PTPRD: variants seen among roughly 807,000 people sequenced by gnomAD.
PTPRD encodes the protein receptor-type tyrosine-protein phosphatase delta.
PTPRD carries 34 observed loss-of-function variants against 214.5 expected under a neutral mutation model. That is an observed-to-expected ratio of 0.16 (90% CI 0.12 to 0.21). The LOEUF is 0.21. PTPRD is among the 10% of genes least tolerant of loss of function. PTPRD has a pLI of 1.00. For synonymous variants in PTPRD, 1,128 were observed against 845.7 expected, an observed-to-expected ratio of 1.33 and a Z score of -5.79; for missense variants, 2,545 against 2,398.7, an observed-to-expected ratio of 1.06 and a Z score of -1.27.
At chr9:8,483,664 A>G (rs151000983) in intron 30 of PTPRD, among the ~76,000 whole-genome samples, 1 of 152,306 alleles carries the variant, frequency 6.6e-6, no homozygotes, top group Admixed American at 6.5e-5. Flanking sequence ...AGGCAATCCC[A>G]GCTACTTGTG....
intron 11 of PTPRD, among the ~76,000 whole-genome samples, chr9:8,929,823 A>ATATATGTGTGTG (rs376005513): frequency 8.3e-4 from 29 of 34,748 alleles, no homozygotes; most frequent in African/African-American, 2.5e-3. Flanking sequence ...ATATATGTGT[A>ATATATGTGTGTG]TATATATGTG....
chr9:9,439,259 A>G (rs544609615), intron 8 of PTPRD, among the ~76,000 whole-genome samples: 87 of 152,270 alleles, frequency 5.7e-4, no homozygotes, highest in African/African-American at 2.0e-3. Flanking sequence ...TCCCACAAAT[A>G]TAATCATTTC....
chr9:9,992,806 G>T (rs2095990434), intron 4 of PTPRD, among the ~76,000 whole-genome samples: 1 of 151,898 alleles, frequency 6.6e-6, no homozygotes, highest in Admixed American at 6.6e-5. Context: ...GCTGGGGGAT[G>T]GGGAGAGGGG....
chr9:10,390,971 G>C (rs1196403354), intron 2 of PTPRD, among the ~76,000 whole-genome samples: 2 of 151,784 alleles, frequency 1.3e-5, no homozygotes, highest in African/African-American at 4.8e-5. Context: ...GAAATAAAAT[G>C]GTTGATGAAG....
At chr9:9,740,501 G>T (rs990439811) in intron 6 of PTPRD, among the ~76,000 whole-genome samples, 7 of 145,572 alleles carry the variant, frequency 4.8e-5, no homozygotes, top group Non-Finnish European at 1.0e-4. Flanking sequence ...GGGACTATAG[G>T]CGCCCGCCAC....
At chr9:10,186,810 G>C (rs1235238312) in intron 3 of PTPRD, among the ~76,000 whole-genome samples, 3 of 151,836 alleles carry the variant, frequency 2.0e-5, no homozygotes, top group Non-Finnish European at 4.4e-5. Context: ...TAACATCTGG[G>C]GAAGACTACT....
chr9:9,899,515 C>G (rs1196921466), intron 5 of PTPRD, among the ~76,000 whole-genome samples: 2 of 151,838 alleles, frequency 1.3e-5, no homozygotes, highest in African/African-American at 4.8e-5. Context: ...CCTCACACTG[C>G]TGTTAGAATG....
chr9:8,957,333 C>A (rs989945214), intron 11 of PTPRD, among the ~76,000 whole-genome samples: 2 of 151,808 alleles, frequency 1.3e-5, no homozygotes, highest in Non-Finnish European at 2.9e-5. Context: ...GAGTTTCTTT[C>A]CAAGTTGAGA....
intron 3 of PTPRD, among the ~76,000 whole-genome samples, chr9:10,077,701 A>G (rs1164777370): frequency 6.6e-6 from 1 of 151,962 alleles, no homozygotes; most frequent in Non-Finnish European, 1.5e-5. Context: ...TTGTGTCCAT[A>G]TGTACTCAAT....
intron 2 of PTPRD, among the ~76,000 whole-genome samples, chr9:10,355,291 C>T (rs2097256286): frequency 6.6e-6 from 1 of 151,986 alleles, no homozygotes. Context: ...ACTCAAAATG[C>T]TATTTTTGGT....
chr9:9,868,486 T>C (rs2064562444), intron 5 of PTPRD, among the ~76,000 whole-genome samples: 1 of 151,862 alleles, frequency 6.6e-6, no homozygotes, highest in Admixed American at 6.6e-5. Context: ...GACATTGTAG[T>C]CAAGAGAGAA....
At chr9:9,789,624 C>T (rs933968418) in intron 5 of PTPRD, among the ~76,000 whole-genome samples, 4 of 151,488 alleles carry the variant, frequency 2.6e-5, no homozygotes, top group Admixed American at 6.6e-5. Context: ...GATGAAACCC[C>T]GTCCCTACTA....
At chr9:8,448,183 C>G (rs2095808163) in intron 34 of PTPRD, among the ~76,000 whole-genome samples, 2 of 151,936 alleles carry the variant, frequency 1.3e-5, no homozygotes, top group African/African-American at 4.8e-5. Context: ...AAAAAATTGT[C>G]TGGATGTGGT....
At chr9:8,366,691 C>T (rs893721643) in intron 39 of PTPRD, among the ~76,000 whole-genome samples, 2 of 152,168 alleles carry the variant, frequency 1.3e-5, no homozygotes, top group African/African-American at 4.8e-5. Context: ...CTTTGGCCTC[C>T]ATTAAACAAT....
At chr9:10,230,967 G>T (rs995247145) in intron 3 of PTPRD, among the ~76,000 whole-genome samples, 1 of 151,928 alleles carries the variant, frequency 6.6e-6, no homozygotes, top group African/African-American at 2.4e-5. Flanking sequence ...TCTACTTGAA[G>T]TTCCTTTGGG....
At chr9:10,106,068 CT>C (rs1275325557) in intron 3 of PTPRD, among the ~76,000 whole-genome samples, 16 of 149,680 alleles carry the variant, frequency 1.1e-4, no homozygotes, top group African/African-American at 3.9e-4. Context: ...TCCTTTTCCC[CT>C]GACCTAATTT....
At chr9:8,487,203 T>C (rs1238089513) in intron 27 of PTPRD, among the ~76,000 whole-genome samples, 1 of 152,196 alleles carries the variant, frequency 6.6e-6, no homozygotes, top group African/African-American at 2.4e-5. Context: ...CTATCAATAT[T>C]AACCATAATT....
chr9:8,889,360 C>T (rs1224443087), intron 11 of PTPRD, among the ~76,000 whole-genome samples: 1 of 152,060 alleles, frequency 6.6e-6, no homozygotes, highest in Non-Finnish European at 1.5e-5. Flanking sequence ...GTTCCTGGCA[C>T]ATAGTAGGCA....
intron 11 of PTPRD, among the ~76,000 whole-genome samples, chr9:8,849,218 C>G (rs1281359857): frequency 6.7e-6 from 1 of 149,882 alleles, no homozygotes; most frequent in African/African-American, 2.5e-5. Context: ...CTTTGTCCCC[C>G]AGGCTGGAGT....
Sources: gnomAD v4.1 joint callset for allele counts (sites outside exome capture counted in the v4.1 genomes callset) on GRCh38, gnomAD v4.1.1 for gene constraint, MANE v1.5 for transcripts, NCBI Gene and HGNC (gene_info 2026-07-23, HGNC 2026-07-21) for gene names.